Variants in PPP6R3 observed in about 807,000 individuals in gnomAD.
PPP6R3 encodes the protein serine/threonine-protein phosphatase 6 regulatory subunit 3.
PPP6R3 carries 38 observed loss-of-function variants against 110.7 expected under a neutral mutation model. The ratio of observed to expected loss-of-function variants is 0.34; its 90% CI spans 0.26 to 0.45. The LOEUF (loss-of-function observed/expected upper bound fraction) is 0.45, where lower values mean the gene tolerates loss of function less well. PPP6R3 is among the 20% of genes least tolerant of loss of function. The pLI is 1.00. For missense variants in PPP6R3, 870 were observed against 1,062.4 expected (o/e 0.82, Z 2.52); for synonymous variants, 369 against 373.5 (o/e 0.99, Z 0.14).
intron 1 of PPP6R3, among the ~76,000 whole-genome samples, chr11:68,500,415 A>G (rs2099042395): frequency 6.6e-6 from 1 of 151,830 alleles, no homozygotes; most frequent in Non-Finnish European, 1.5e-5. Flanking sequence ...TTTTATGTGC[A>G]CTGGTAGTTG....
At chr11:68,477,704 GAGAC>G (rs1309268904) in intron 1 of PPP6R3, among the ~76,000 whole-genome samples, 1 of 132,932 alleles carries the variant, frequency 7.5e-6, no homozygotes, top group East Asian at 2.1e-4. Context: ...TCCAGCCTGA[GAGAC>G]AGAGAGAGAC....
At chr11:68,612,426 G>C (rs777489625) in intron 23 of PPP6R3, among the ~76,000 whole-genome samples, 4 of 152,134 alleles carry the variant, frequency 2.6e-5, no homozygotes, top group Non-Finnish European at 4.4e-5. Context: ...TTTTGGTCAA[G>C]CCTTCCCGAA....
Position 68,491,072 on chromosome 11 carries a change from G to GC in PPP6R3, c.-157-28428dup, listed in dbSNP as rs2098980976. 2.0e-5 allele frequency among the ~76,000 whole-genome samples: 3 copies of GC among 151,954 alleles called. No individual in the cohort carries two copies. The South Asian group carries it at 6.2e-4, about 32-fold the overall frequency. On this transcript the variant is annotated intron_variant, in intron 1 of 23. Transcript: ENST00000393800. The stretch of plus-strand genomic sequence containing the variant: ...GTGGTGGCACACACCTGTAGTCCCA[G>GC]CTACTTTTTGGGGCTGAGGCAGGAG...
At chr11:68,573,154 A>ATATATATATATATATATT (rs35361909) in intron 12 of PPP6R3, among the ~76,000 whole-genome samples, 1 of 74,332 alleles carries the variant, frequency 1.3e-5, no homozygotes, top group Non-Finnish European at 2.7e-5. Context: ...ATATATATAT[A>ATATATATATATATATATT]ATTTTTTTTT....
At chr11:68,476,833 A>G (rs758279871) in intron 1 of PPP6R3, among the ~76,000 whole-genome samples, 32 of 151,524 alleles carry the variant, frequency 2.1e-4, no homozygotes, top group Non-Finnish European at 4.1e-4. Flanking sequence ...ACCAGCCTGG[A>G]CAACATAGTG....
At chr11:68,588,120 C>G in intron 16 of PPP6R3, 96 bp downstream of exon 16, 1 of 1,105,696 alleles carries the variant, frequency 9.0e-7, no homozygotes, top group South Asian at 1.3e-5. Context: ...CTTGAGCATT[C>G]GTGAGTGGGA....
chr11:68,467,034 C>T (rs926026633), intron 1 of PPP6R3, among the ~76,000 whole-genome samples: 23 of 152,274 alleles, frequency 1.5e-4, no homozygotes, highest in Non-Finnish European at 2.4e-4. Flanking sequence ...AGCCGCTGCA[C>T]CCGGCCCTAG....
chr11:68,564,978 G>A (rs954097362), intron 9 of PPP6R3, among the ~76,000 whole-genome samples: 3 of 152,108 alleles, frequency 2.0e-5, no homozygotes, highest in East Asian at 1.9e-4. Context: ...GTGTTCTTTC[G>A]CCCCTTGGAT....
At chr11:68,515,678 A>T (rs941484148) in intron 1 of PPP6R3, among the ~76,000 whole-genome samples, 3 of 152,174 alleles carry the variant, frequency 2.0e-5, no homozygotes, top group East Asian at 1.9e-4. Flanking sequence ...CCTTGGGTTC[A>T]TGTGCACGTG....
intron 14 of PPP6R3, among the ~76,000 whole-genome samples, chr11:68,582,175 A>G (rs1005062224): frequency 2.0e-5 from 3 of 152,238 alleles, no homozygotes; most frequent in Admixed American, 6.5e-5. Flanking sequence ...TGTGAAAAGT[A>G]CAGAATAAAC....
chr11:68,545,067 C>T (rs774759472), intron 4 of PPP6R3, 43 bp downstream of exon 4: 12 of 1,447,930 alleles, frequency 8.3e-6, no homozygotes, highest in South Asian at 1.2e-5. Flanking sequence ...GGCTGATCAT[C>T]CCCTTGAGGT....
At chr11:68,558,193 C>T (rs1398128804) in intron 7 of PPP6R3, 1 of 158,850 alleles carries the variant, frequency 6.3e-6, no homozygotes, top group Non-Finnish European at 1.4e-5. Context: ...GTGAAAGGTT[C>T]TATGTCTTCT....
intron 2 of PPP6R3, among the ~76,000 whole-genome samples, chr11:68,537,191 A>T (rs1267509305): frequency 6.6e-6 from 1 of 152,150 alleles, no homozygotes; most frequent in African/African-American, 2.4e-5. Context: ...CACAGATTTT[A>T]CCAGTTTATT....
At chr11:68,553,313 G>T (rs1198732367) in intron 6 of PPP6R3, among the ~76,000 whole-genome samples, 6 of 139,628 alleles carry the variant, frequency 4.3e-5, no homozygotes, top group African/African-American at 1.6e-4. Flanking sequence ...TTTTTTTTGA[G>T]ACGGAGTTTC....
chr11:68,485,838 G>A (rs1416368937), intron 1 of PPP6R3, among the ~76,000 whole-genome samples: 1 of 152,084 alleles, frequency 6.6e-6, no homozygotes, highest in Non-Finnish European at 1.5e-5. Flanking sequence ...GGGACTACAG[G>A]TGTGTGCCAT....
At chr11:68,557,386 A>G (rs1271368283) in intron 7 of PPP6R3, among the ~76,000 whole-genome samples, 2 of 152,342 alleles carry the variant, frequency 1.3e-5, no homozygotes, top group East Asian at 3.9e-4. Flanking sequence ...AGAGGTGATC[A>G]AGGAACTGGT....
chr11:68,545,017 C>A lies in PPP6R3; in HGVS notation c.407C>A (p.Pro136Gln), dbSNP rs747735053. The change falls in exon 4 of 24, where the codon CCA (proline) becomes CAA (glutamine). Residue 136 changes from proline (P) to glutamine (Q), a missense_variant. Pro to Gln is a moderately conservative substitution (Grantham distance 76). Coordinates refer to ENST00000393800, the MANE Select transcript of PPP6R3 (RefSeq NM_001164161.2). ...KVLSILISRKPEQIVDFLKKK... is the reference protein window; with the variant it reads ...KVLSILISRKQEQIVDFLKKK... Reference sequence around the variant, plus strand: ...CTAAGTATTCTTATCAGCAGAAAACCAGAACAGGTAAATATGATTTTCCAA... The same window carrying A: ...CTAAGTATTCTTATCAGCAGAAAACAAGAACAGGTAAATATGATTTTCCAA... 6.3e-7 allele frequency: 1 copy of A among 1,597,798 alleles called. No individual in the cohort carries two copies. The highest frequency in any genetic ancestry group is 8.6e-7 in the Non-Finnish European group (1 of 1,165,586).
intron 1 of PPP6R3, among the ~76,000 whole-genome samples, chr11:68,464,977 G>C (rs530317685): frequency 6.6e-6 from 1 of 151,896 alleles, no homozygotes; most frequent in East Asian, 1.9e-4. Flanking sequence ...CGCCTCCTGG[G>C]TTCAAGTGAT....
intron 1 of PPP6R3, among the ~76,000 whole-genome samples, chr11:68,514,296 G>A (rs2099125165): frequency 6.6e-6 from 1 of 152,022 alleles, no homozygotes; most frequent in Admixed American, 6.6e-5. Flanking sequence ...TCTTGAACTG[G>A]CCTTAAGCAT....
Sources: allele counts gnomAD v4.1 joint callset (sites outside exome capture counted in the v4.1 genomes callset), GRCh38; gene constraint gnomAD v4.1.1; transcripts MANE v1.5; gene names NCBI Gene and HGNC (gene_info 2026-07-23, HGNC 2026-07-21).